Variants in KCTD16 observed in about 807,000 individuals in gnomAD.
KCTD16 encodes BTB/POZ domain-containing protein KCTD16.
In KCTD16, 13 loss-of-function variants were observed where a neutral mutation model predicts 33.2. That is an observed-to-expected ratio of 0.39 (90% confidence interval 0.25 to 0.62). The LOEUF is 0.62. KCTD16 is among the 20% of genes least tolerant of loss of function. The pLI, the probability that KCTD16 is intolerant of heterozygous loss-of-function variation, is 0.50. For missense variants in KCTD16, 441 were observed against 525.1 expected, an observed-to-expected ratio of 0.84 and a Z score of 1.57; for synonymous variants, 197 against 195.3, an observed-to-expected ratio of 1.01 and a Z score of -0.07.
chr5:144,325,912 A>G (rs1211476502), intron 3 of KCTD16, among the ~76,000 whole-genome samples: 1 of 152,120 alleles, frequency 6.6e-6, no homozygotes, highest in Non-Finnish European at 1.5e-5. Flanking sequence ...TCAATTAGTA[A>G]AAGATTCCAT....
intron 3 of KCTD16, among the ~76,000 whole-genome samples, chr5:144,315,143 C>T (rs10515538): frequency 0.22 from 33,447 of 152,116 alleles, 4,038 homozygotes; most frequent in Non-Finnish European, 0.28. Context: ...GCTTTGATGG[C>T]AAGATCCATG....
At chr5:144,221,022 T>C (rs1437168603) in intron 3 of KCTD16, among the ~76,000 whole-genome samples, 1 of 152,014 alleles carries the variant, frequency 6.6e-6, no homozygotes, top group Non-Finnish European at 1.5e-5. Context: ...TTAAGAGATG[T>C]GGACAGGAGT....
chr5:144,418,576 A>G (rs1031606586), intron 3 of KCTD16, among the ~76,000 whole-genome samples: 1 of 152,086 alleles, frequency 6.6e-6, no homozygotes, highest in African/African-American at 2.4e-5. Flanking sequence ...CAGAGACTGT[A>G]CTTCTTTACT....
chr5:144,316,605 C>T (rs968480099), intron 3 of KCTD16, among the ~76,000 whole-genome samples: 4 of 150,540 alleles, frequency 2.7e-5, no homozygotes, highest in Non-Finnish European at 5.9e-5. Context: ...CTCCACCTCC[C>T]GGGTTCAAGT....
intron 3 of KCTD16, among the ~76,000 whole-genome samples, chr5:144,299,096 GTATATATATATATATATATATA>G (rs1175664862): frequency 8.3e-4 from 9 of 10,784 alleles, no homozygotes; most frequent in South Asian, 8.7e-3. Context: ...ATATCACTAT[GTATATATATATATATATATATA>G]TATATATATA....
intron 3 of KCTD16, among the ~76,000 whole-genome samples, chr5:144,210,145 C>T (rs1753329993): frequency 5.3e-5 from 8 of 151,698 alleles, no homozygotes; most frequent in Admixed American, 4.6e-4. Context: ...TTGGGGAGAC[C>T]GAAATCTACC....
chr5:144,303,907 G>C (rs185144218), intron 3 of KCTD16, among the ~76,000 whole-genome samples: 103 of 152,292 alleles, frequency 6.8e-4, no homozygotes, highest in African/African-American at 2.4e-3. Flanking sequence ...ATTGGAGAGT[G>C]CATATCAACC....
intron 3 of KCTD16, among the ~76,000 whole-genome samples, chr5:144,299,555 T>C (rs1339488733): frequency 6.6e-6 from 1 of 152,098 alleles, no homozygotes; most frequent in Non-Finnish European, 1.5e-5. Context: ...GTTTTGAGTA[T>C]AGGCAAAGGT....
intron 3 of KCTD16, among the ~76,000 whole-genome samples, chr5:144,417,956 G>A (rs147623309): frequency 0.018 from 2,808 of 152,210 alleles, 46 homozygotes; most frequent in Middle Eastern, 0.048. Context: ...TGGTGTGTCC[G>A]GAGTTTGTTC....
intron 2 of KCTD16, among the ~76,000 whole-genome samples, chr5:144,192,036 C>T (rs1215899877): frequency 1.3e-5 from 2 of 152,058 alleles, no homozygotes; most frequent in African/African-American, 4.8e-5. Context: ...TAGGGCTTGG[C>T]AGGGTATGTC....
At chr5:144,384,963 G>T (rs530210105) in intron 3 of KCTD16, among the ~76,000 whole-genome samples, 1 of 152,176 alleles carries the variant, frequency 6.6e-6, no homozygotes, top group Non-Finnish European at 1.5e-5. Flanking sequence ...TATTTTGGAT[G>T]TTTAGAAGCT....
At chr5:144,470,348 C>G (rs1170510530) in intron 3 of KCTD16, among the ~76,000 whole-genome samples, 1 of 152,104 alleles carries the variant, frequency 6.6e-6, no homozygotes, top group Admixed American at 6.6e-5. Flanking sequence ...AGAGGGTAGT[C>G]AGGCAGACAG....
intron 3 of KCTD16, among the ~76,000 whole-genome samples, chr5:144,291,772 T>C (rs1012856255): frequency 5.3e-5 from 8 of 152,192 alleles, no homozygotes; most frequent in Non-Finnish European, 1.0e-4. Flanking sequence ...TTCTTGTTAT[T>C]AACTACTATC....
intron 3 of KCTD16, among the ~76,000 whole-genome samples, chr5:144,302,304 A>G (rs1751463382): frequency 6.6e-6 from 1 of 152,202 alleles, no homozygotes; most frequent in Non-Finnish European, 1.5e-5. Context: ...AAAAATGAAA[A>G]GAAACAAAAG....
At chr5:144,446,173 A>G (rs1753813573) in intron 3 of KCTD16, among the ~76,000 whole-genome samples, 1 of 151,920 alleles carries the variant, frequency 6.6e-6, no homozygotes, top group Non-Finnish European at 1.5e-5. Context: ...TCTGTTAGTT[A>G]GTTGGTTGAT....
Position 144,206,859 on chromosome 5 carries a change from T to G in KCTD16, c.145T>G (p.Ser49Ala). The change falls in exon 3 of 4, where the codon TCC (serine) becomes GCC (alanine). Residue 49 changes from serine to alanine, a missense_variant. Coordinates refer to ENST00000512467, the MANE Select transcript of KCTD16 (RefSeq NM_020768.4). ...TTCCACATTGATAAGCATCCCTCAT[T>G]CCCTCCTGTGGAAAATGTTTTCCCC... ...RHSTLISIPH[S>A]LLWKMFSPKR... The G allele has an allele frequency of 1.2e-6, 2 of 1,614,032 alleles. No homozygotes were observed. The highest frequency in any genetic ancestry group is 1.7e-6 in the Non-Finnish European group (2 of 1,179,988).
intron 3 of KCTD16, among the ~76,000 whole-genome samples, chr5:144,447,210 T>A (rs1753839174): frequency 6.6e-6 from 1 of 152,180 alleles, no homozygotes; most frequent in African/African-American, 2.4e-5. Context: ...ATATGCACCA[T>A]AGAATACTAT....
intron 3 of KCTD16, among the ~76,000 whole-genome samples, chr5:144,316,915 C>T (rs948336045): frequency 6.7e-6 from 1 of 148,440 alleles, no homozygotes; most frequent in African/African-American, 2.5e-5. Flanking sequence ...GCAACCTGCA[C>T]CTCATGAGTT....
At chr5:144,468,584 T>C (rs1754400460) in intron 3 of KCTD16, among the ~76,000 whole-genome samples, 1 of 152,212 alleles carries the variant, frequency 6.6e-6, no homozygotes, top group South Asian at 2.1e-4. Context: ...ATCTCCACTA[T>C]GCAATATCGT....
Sources: allele counts gnomAD v4.1 joint callset (sites outside exome capture counted in the v4.1 genomes callset), GRCh38; gene constraint gnomAD v4.1.1; transcripts MANE v1.5; gene names NCBI Gene and HGNC (gene_info 2026-07-23, HGNC 2026-07-21).